Variants in MDGA2 observed in about 807,000 individuals in gnomAD.
MDGA2 encodes MAM domain-containing glycosylphosphatidylinositol anchor protein 2.
In MDGA2, 40 loss-of-function variants were observed where a neutral mutation model predicts 117.8. That is an observed-to-expected ratio of 0.34 (90% CI 0.26 to 0.44). The LOEUF (loss-of-function observed/expected upper bound fraction) is 0.44. Ranked by LOEUF, MDGA2 falls within the 20% of genes least tolerant of loss-of-function variation. The pLI, the probability that MDGA2 is intolerant of heterozygous loss-of-function variation, is 1.00. For missense variants in MDGA2, 1,123 were observed against 1,250.6 expected, an observed-to-expected ratio of 0.90 and a Z score of 1.54; for synonymous variants, 452 against 439.0, an observed-to-expected ratio of 1.03 and a Z score of -0.37.
At chr14:47,642,155 A>C (rs1449274935) in intron 1 of MDGA2, among the ~76,000 whole-genome samples, 1 of 152,062 alleles carries the variant, frequency 6.6e-6, no homozygotes, top group African/African-American at 2.4e-5. Flanking sequence ...TGGACTCTGG[A>C]GACAGCTCTG....
At chr14:47,592,966 G>C (rs1896469013) in intron 1 of MDGA2, among the ~76,000 whole-genome samples, 2 of 152,078 alleles carry the variant, frequency 1.3e-5, no homozygotes, top group South Asian at 4.1e-4. Flanking sequence ...TACAGTGGGA[G>C]AAAATTTTTG....
chr14:47,180,387 G>T (rs1884650751), intron 3 of MDGA2, among the ~76,000 whole-genome samples: 1 of 152,098 alleles, frequency 6.6e-6, no homozygotes, highest in Non-Finnish European at 1.5e-5. Context: ...CACAGCAAAA[G>T]AAACTATCAA....
At chr14:47,297,007 A>C (rs551184210) in intron 2 of MDGA2, among the ~76,000 whole-genome samples, 24 of 152,218 alleles carry the variant, frequency 1.6e-4, no homozygotes, top group Non-Finnish European at 3.2e-4. Context: ...GCCCCAATGC[A>C]GGGGTTTCTA....
intron 8 of MDGA2, among the ~76,000 whole-genome samples, chr14:46,990,936 A>G (rs1887072051): frequency 6.6e-6 from 1 of 151,848 alleles, no homozygotes; most frequent in East Asian, 1.9e-4. Flanking sequence ...TACAGAAGCA[A>G]GAGATCATTG....
chr14:47,236,867 C>T (rs1345125504), intron 2 of MDGA2, among the ~76,000 whole-genome samples: 1 of 152,204 alleles, frequency 6.6e-6, no homozygotes. Context: ...TGAAAATGCA[C>T]TCTAACTTTG....
rs186482802 is a variant in MDGA2 at position 47,463,600 on chromosome 14, A to T, written c.281-162050T>A. Among the ~76,000 whole-genome samples the T allele has an allele frequency of 1.2e-4, 18 of 152,286 alleles. 1 individual carries two copies. The East Asian group carries it at 2.1e-3, about 18-fold the overall frequency. On this transcript the variant is annotated intron_variant, in intron 1 of 16. Coordinates refer to ENST00000399232, the MANE Select transcript of MDGA2 (RefSeq NM_001113498.3). ...GTAGTGACTGAGGAGAACTTTGAAA[A>T]ATGAGAAAATTCACATATGTAAAGA... is the stretch of plus-strand genomic sequence containing the variant.
intron 1 of MDGA2, among the ~76,000 whole-genome samples, chr14:47,569,632 G>A (rs7143730): frequency 0.014 from 2,194 of 152,226 alleles, 47 homozygotes; most frequent in African/African-American, 0.049. Flanking sequence ...ATCAATTATC[G>A]AGCACTGAGA....
intron 2 of MDGA2, among the ~76,000 whole-genome samples, chr14:47,242,268 G>T (rs1042234922): frequency 6.6e-6 from 1 of 151,930 alleles, no homozygotes; most frequent in African/African-American, 2.4e-5. Flanking sequence ...AAACTGAGAG[G>T]TGACAGCGTG....
chr14:47,481,686 A>G (rs1893956639), intron 1 of MDGA2, among the ~76,000 whole-genome samples: 1 of 152,024 alleles, frequency 6.6e-6, no homozygotes, highest in Non-Finnish European at 1.5e-5. Context: ...TAGTTTCTCC[A>G]TCCTAGGTAG....
chr14:47,167,847 A>G (rs1284453106), intron 3 of MDGA2, among the ~76,000 whole-genome samples: 1 of 152,198 alleles, frequency 6.6e-6, no homozygotes, highest in Non-Finnish European at 1.5e-5. Flanking sequence ...GAATCTTGGT[A>G]GACCAGCCTT....
chr14:47,480,870 T>C (rs1019205679), intron 1 of MDGA2, among the ~76,000 whole-genome samples: 1 of 151,936 alleles, frequency 6.6e-6, no homozygotes, highest in Non-Finnish European at 1.5e-5. Context: ...AGAATGATTA[T>C]ATGATTCATT....
chr14:46,851,720 G>A (rs3007131), intron 15 of MDGA2, among the ~76,000 whole-genome samples: 13 of 151,432 alleles, frequency 8.6e-5, no homozygotes, highest in Non-Finnish European at 1.3e-4. Flanking sequence ...AAGTTGTGCC[G>A]TCCACTTGAA....
chr14:47,067,588 G>A (rs956379599), intron 6 of MDGA2, among the ~76,000 whole-genome samples: 4 of 150,184 alleles, frequency 2.7e-5, no homozygotes, highest in Admixed American at 1.3e-4. Context: ...ACTAAGAGCC[G>A]CGTGCCTCTT....
At chr14:47,027,070 G>A (rs139876221) in intron 8 of MDGA2, among the ~76,000 whole-genome samples, 8 of 152,112 alleles carry the variant, frequency 5.3e-5, no homozygotes, top group Middle Eastern at 3.4e-3. Context: ...CTACTTGGGA[G>A]GTTGAGGATC....
intron 13 of MDGA2, 133 bp from the exon 14 acceptor site, chr14:46,873,724 C>T (rs925879076): frequency 1.2e-6 from 1 of 804,462 alleles, no homozygotes; most frequent in Admixed American, 3.2e-5. Context: ...TTTATAAAAT[C>T]TCTATGTGTA....
intron 1 of MDGA2, among the ~76,000 whole-genome samples, chr14:47,351,951 A>G (rs1890894374): frequency 6.6e-6 from 1 of 151,974 alleles, no homozygotes; most frequent in Admixed American, 6.6e-5. Context: ...ACATATATAT[A>G]TACACATATG....
At chr14:47,323,700 C>G (rs1890056199) in intron 1 of MDGA2, among the ~76,000 whole-genome samples, 2 of 151,848 alleles carry the variant, frequency 1.3e-5, no homozygotes, top group South Asian at 2.1e-4. Flanking sequence ...AACTATAGAA[C>G]AGTTACTAAA....
intron 2 of MDGA2, among the ~76,000 whole-genome samples, chr14:47,243,854 T>C (rs1887151806): frequency 6.6e-6 from 1 of 151,844 alleles, no homozygotes; most frequent in Non-Finnish European, 1.5e-5. Context: ...CAACCAATGG[T>C]GATAGGACAT....
chr14:47,019,159 A>T (rs868696099), intron 8 of MDGA2, among the ~76,000 whole-genome samples: 32 of 152,230 alleles, frequency 2.1e-4, no homozygotes, highest in African/African-American at 6.5e-4. Context: ...GTCAAAAAAT[A>T]TGAAAAATAG....
Sources: gnomAD v4.1 joint callset for allele counts (sites outside exome capture counted in the v4.1 genomes callset) on GRCh38, gnomAD v4.1.1 for gene constraint, MANE v1.5 for transcripts, NCBI Gene and HGNC (gene_info 2026-07-23, HGNC 2026-07-21) for gene names.